Variants in SYNJ1 observed in about 807,000 individuals in gnomAD.
The protein encoded by SYNJ1 is polyphosphatidylinositol phosphatase SYNJ1.
A neutral mutation model predicts 168.2 loss-of-function variants in SYNJ1; 78 were observed. The observed-to-expected ratio is 0.46, with a 90% CI of 0.39 to 0.56. The LOEUF (loss-of-function observed/expected upper bound fraction) is 0.56. SYNJ1 is among the 20% of genes least tolerant of loss of function. The pLI, the probability that SYNJ1 is intolerant of heterozygous loss-of-function variation, is 0.00. For missense variants in SYNJ1, 1,303 were observed against 1,597.6 expected, an observed-to-expected ratio of 0.82 and a Z score of 3.14; for synonymous variants, 539 against 548.6, an observed-to-expected ratio of 0.98 and a Z score of 0.24.
intron 2 of SYNJ1, among the ~76,000 whole-genome samples, chr21:32,711,231 A>C (rs971026823): frequency 6.6e-6 from 1 of 152,226 alleles, no homozygotes; most frequent in Non-Finnish European, 1.5e-5. Flanking sequence ...GAAAACACTC[A>C]GAGTATAAAT....
Position 32,643,409 on chromosome 21 carries a change from C to G in SYNJ1, c.3478+1G>C. 3 of 1,613,584 alleles carry G rather than the reference C, an allele frequency of 1.9e-6. No homozygotes were observed. Among genetic ancestry groups the G allele is most frequent in the Non-Finnish European group, 2.5e-6 (3 of 1,179,730 alleles). Reference sequence around the variant, plus strand: ...CTTCTATAATGCAAGAGTCTTGTTACCTTCCATCTCTCTCCTAGCTACCCC... The same window carrying G: ...CTTCTATAATGCAAGAGTCTTGTTAGCTTCCATCTCTCTCCTAGCTACCCC... On this transcript the variant is annotated splice_donor_variant, in intron 27 of 32. Coordinates refer to ENST00000674351, the MANE Select transcript of SYNJ1 (RefSeq NM_203446.3). LOFTEE classifies it high-confidence loss of function.
At chr21:32,655,453 T>A (rs1311234888) in intron 21 of SYNJ1, among the ~76,000 whole-genome samples, 3 of 152,218 alleles carry the variant, frequency 2.0e-5, no homozygotes, top group African/African-American at 7.2e-5. Flanking sequence ...TTGAGGAAAG[T>A]CTAAACACAA....
upstream of SYNJ1, chr21:32,728,197 C>G: frequency 1.2e-6 from 1 of 868,490 alleles, no homozygotes. Context: ...TGCGGCCGCC[C>G]CCAGGCAGAG....
At chr21:32,657,338 G>C (rs1276642799) in intron 19 of SYNJ1, among the ~76,000 whole-genome samples, 1 of 152,158 alleles carries the variant, frequency 6.6e-6, no homozygotes, top group Admixed American at 6.5e-5. Context: ...TTAAGATCTG[G>C]CTTTATTTCC....
At chr21:32,728,112 C>G, upstream of SYNJ1, 1 of 1,474,374 alleles carries the variant, frequency 6.8e-7, no homozygotes, top group South Asian at 1.3e-5. Context: ...GGAGACCACG[C>G]CCACTCTGCG....
chr21:32,646,690 C>T, intron 23 of SYNJ1, 88 bp from the exon 24 acceptor site: 1 of 946,568 alleles, frequency 1.1e-6, no homozygotes, highest in Non-Finnish European at 1.7e-6. Flanking sequence ...AGTTAAAATA[C>T]ACAAAACAAA....
intron 31 of SYNJ1, among the ~76,000 whole-genome samples, chr21:32,638,100 C>T (rs1601226549): frequency 1.3e-5 from 2 of 152,214 alleles, no homozygotes; most frequent in African/African-American, 4.8e-5. Flanking sequence ...TACAGGGTCT[C>T]ACTGTGTCAC....
At chr21:32,694,907 T>C in intron 5 of SYNJ1, 150 bp downstream of exon 5, 1 of 818,294 alleles carries the variant, frequency 1.2e-6, no homozygotes, top group Non-Finnish European at 1.8e-6. Context: ...TAGGGAAGCC[T>C]TTTTTTAAGG....
At chr21:32,637,882 T>C (rs886182748) in intron 31 of SYNJ1, among the ~76,000 whole-genome samples, 2 of 152,216 alleles carry the variant, frequency 1.3e-5, no homozygotes, top group African/African-American at 2.4e-5. Context: ...CATATTTACT[T>C]TAATATCTGT....
intron 2 of SYNJ1, among the ~76,000 whole-genome samples, chr21:32,709,119 T>C (rs1468427048): frequency 6.6e-6 from 1 of 152,246 alleles, no homozygotes; most frequent in East Asian, 1.9e-4. Context: ...CTTACTTATG[T>C]ATTAGAAATA....
rs1463472857 is a variant in SYNJ1, at chr21:32,726,899, CCTT to C, written c.-7_-5del. The C allele has an allele frequency of 1.2e-6, 2 of 1,613,986 alleles. No individual in the cohort carries two copies. The highest frequency in any genetic ancestry group is 4.5e-5 in the East Asian group (2 of 44,862). On this transcript the variant is annotated 5_prime_UTR_variant, in exon 2 of 33. Coordinates refer to ENST00000674351, the MANE Select transcript of SYNJ1 (RefSeq NM_203446.3). ...GGAATCCTTTACTGAACGCCATTCT[CCTT>C]TCTTCGGAGGCAGCCCTGCGAAAAC...
In SYNJ1 at chr21:32,653,279, C is replaced by G; in HGVS notation, c.2874+9G>C. On this transcript the variant is annotated intron_variant, in intron 22 of 32. Coordinates refer to ENST00000674351, the MANE Select transcript of SYNJ1 (RefSeq NM_203446.3). ...CAGAATGGTTTAGAATCAACAAATG[C>G]TACCTTACCTCTTTACCATTTAGGC... 6.2e-7 allele frequency: 1 copy of G among 1,606,700 alleles called. No homozygotes were observed. Among genetic ancestry groups the G allele is most frequent in the South Asian group, 1.1e-5 (1 of 90,290 alleles).
chr21:32,636,578 T>C (rs1261856333), intron 31 of SYNJ1, among the ~76,000 whole-genome samples: 1 of 152,188 alleles, frequency 6.6e-6, no homozygotes, highest in Non-Finnish European at 1.5e-5. Flanking sequence ...ATCTTGTAAA[T>C]TGTTCAACTT....
At chr21:32,727,710 C>G (rs1038955171) in intron 1 of SYNJ1, 1 of 909,044 alleles carries the variant, frequency 1.1e-6, no homozygotes. Flanking sequence ...TCGGTTCGTT[C>G]CCGCGGGCGG....
In SYNJ1 at chr21:32,665,950, A is replaced by G; in HGVS notation, c.2138T>C (p.Phe713Ser). The G allele has an allele frequency of 1.2e-6, 2 of 1,606,566 alleles. No homozygotes were observed. The highest frequency in any genetic ancestry group is 1.7e-6 in the Non-Finnish European group (2 of 1,176,216). ...CAAGCAGCAAGAGCTTACCATAGGAAAACTCAATTTTCGTGCTATTTCTAT... is the reference window on the plus strand; with the variant it reads ...CAAGCAGCAAGAGCTTACCATAGGAGAACTCAATTTTCGTGCTATTTCTAT... ...DFIEIARKLS[F>S]PMGRMLFSHD... Residue 713 changes from phenylalanine to serine, a missense_variant, in exon 17 of 33, where the codon TTT (phenylalanine) becomes TCT (serine). By Grantham distance (155) the Phe-to-Ser change is radical (BLOSUM62 -2). This residue lies in a region of SYNJ1 where 920 missense variants were observed against 1,208.8 expected (regional missense o/e 0.76). Transcript: ENST00000674351.
chr21:32,693,105 C>T (rs766695293), intron 6 of SYNJ1, among the ~76,000 whole-genome samples: 1 of 151,544 alleles, frequency 6.6e-6, no homozygotes, highest in Non-Finnish European at 1.5e-5. Context: ...AACAGTGTAC[C>T]ATAGGGCTCA....
intron 4 of SYNJ1, among the ~76,000 whole-genome samples, chr21:32,698,244 C>A (rs540509473): frequency 1.8e-4 from 27 of 152,306 alleles, no homozygotes; most frequent in Admixed American, 5.2e-4. Flanking sequence ...ACTCTTCTCC[C>A]TGATGCCACC....
chr21:32,650,458 A>T, intron 22 of SYNJ1, 112 bp from the exon 23 acceptor site: 1 of 855,020 alleles, frequency 1.2e-6, no homozygotes, highest in East Asian at 2.9e-5. Flanking sequence ...TAATTTAGTT[A>T]GACAATTCAG....
At position 32,631,231 on chromosome 21, in the gene SYNJ1, A is replaced by G; in HGVS notation, c.*574T>C. On this transcript the variant is annotated 3_prime_UTR_variant, in exon 33 of 33. Coordinates refer to ENST00000674351, the MANE Select transcript of SYNJ1 (RefSeq NM_203446.3). ...AGTAAGTCTGAACAAGCTGACTTTG[A>G]CTTCCCTTTCACACCAAAATCCTCT... 6.2e-7 allele frequency: 1 copy of G among 1,614,222 alleles called. No homozygotes were observed. The highest frequency in any genetic ancestry group is 1.1e-5 in the South Asian group (1 of 91,084).
Sources: gnomAD v4.1 joint callset for allele counts (sites outside exome capture counted in the v4.1 genomes callset) on GRCh38, gnomAD v4.1.1 for gene constraint, gnomAD v4.1.1 regional missense constraint, MANE v1.5 for transcripts, NCBI Gene and HGNC (gene_info 2026-07-23, HGNC 2026-07-21) for gene names.